NR3C2: variants seen among roughly 807,000 people sequenced by gnomAD.
NR3C2 encodes nuclear receptor subfamily 3 group C member 2, also known as mineralocorticoid receptor.
NR3C2 carries 15 observed loss-of-function variants against 86.4 expected under a neutral mutation model. The observed-to-expected ratio is 0.17, with a 90% CI of 0.12 to 0.27. The LOEUF (loss-of-function observed/expected upper bound fraction) is 0.27, where lower values mean the gene tolerates loss of function less well. Among genes scored for constraint, NR3C2 ranks in the 10% least tolerant of loss-of-function variants. The pLI is 1.00. For missense variants in NR3C2, 960 were observed against 1,195.6 expected (o/e 0.80, Z 2.91); for synonymous variants, 458 against 450.5 (o/e 1.02, Z -0.21).
At chr4:148,161,251 C>T (rs1734646561) in intron 4 of NR3C2, among the ~76,000 whole-genome samples, 1 of 152,156 alleles carries the variant, frequency 6.6e-6, no homozygotes, top group Admixed American at 6.5e-5. Context: ...AGTTAACACA[C>T]ATTATTGATT....
intron 2 of NR3C2, among the ~76,000 whole-genome samples, chr4:148,264,671 A>G (rs562775903): frequency 2.6e-4 from 40 of 152,304 alleles, no homozygotes; most frequent in African/African-American, 9.4e-4. Context: ...TCAACAGATG[A>G]TAGCTAAGAT....
intron 2 of NR3C2, among the ~76,000 whole-genome samples, chr4:148,344,004 A>G (rs1409968682): frequency 6.6e-6 from 1 of 152,170 alleles, no homozygotes; most frequent in Non-Finnish European, 1.5e-5. Context: ...ATAGCTTTAA[A>G]TTAATTGCTA....
At chr4:148,277,939 T>C (rs1741038215) in intron 2 of NR3C2, among the ~76,000 whole-genome samples, 1 of 152,176 alleles carries the variant, frequency 6.6e-6, no homozygotes, top group South Asian at 2.1e-4. Context: ...AGTCACGAAA[T>C]GAATTATCCT....
chr4:148,198,823 G>GT (rs1736570279), intron 3 of NR3C2, among the ~76,000 whole-genome samples: 1 of 151,906 alleles, frequency 6.6e-6, no homozygotes, highest in African/African-American at 2.4e-5. Context: ...GCTCACGCCT[G>GT]TAATCCCAGC....
At chr4:148,111,253 C>T (rs559595255) in intron 8 of NR3C2, among the ~76,000 whole-genome samples, 4 of 152,202 alleles carry the variant, frequency 2.6e-5, no homozygotes, top group Admixed American at 1.3e-4. Flanking sequence ...TCAATCTTTT[C>T]GTAAGTGAAA....
chr4:148,105,520 A>G (rs1000567927), intron 8 of NR3C2, among the ~76,000 whole-genome samples: 1 of 152,204 alleles, frequency 6.6e-6, no homozygotes, highest in Non-Finnish European at 1.5e-5. Context: ...TCTGTAACTC[A>G]TTTTTATGAG....
At chr4:148,336,775 T>A (rs1040462090) in intron 2 of NR3C2, among the ~76,000 whole-genome samples, 1 of 152,118 alleles carries the variant, frequency 6.6e-6, no homozygotes, top group Non-Finnish European at 1.5e-5. Context: ...AAAACATAAT[T>A]AGGCCAAGTT....
intron 2 of NR3C2, among the ~76,000 whole-genome samples, chr4:148,263,620 C>T (rs542218612): frequency 6.6e-6 from 1 of 152,356 alleles, no homozygotes; most frequent in East Asian, 1.9e-4. Flanking sequence ...CTTAGTAGGA[C>T]ACTTAAAGTC....
chr4:148,169,432 G>A (rs1182967188), intron 4 of NR3C2, among the ~76,000 whole-genome samples: 1 of 151,498 alleles, frequency 6.6e-6, no homozygotes, highest in South Asian at 2.1e-4. Flanking sequence ...TAGAAATTTG[G>A]GAAAGGAACC....
chr4:148,280,048 T>C (rs1279715562), intron 2 of NR3C2, among the ~76,000 whole-genome samples: 3 of 152,306 alleles, frequency 2.0e-5, no homozygotes, highest in Non-Finnish European at 4.4e-5. Flanking sequence ...TTCAGTTGGC[T>C]TAAAACTGAC....
chr4:148,438,097 G>A (rs1448599934), intron 1 of NR3C2, among the ~76,000 whole-genome samples: 1 of 152,214 alleles, frequency 6.6e-6, no homozygotes, highest in Non-Finnish European at 1.5e-5. Flanking sequence ...ACAACCAAGT[G>A]TTGGAGCTGC....
intron 8 of NR3C2, among the ~76,000 whole-genome samples, chr4:148,100,227 C>T (rs1731474884): frequency 6.6e-6 from 1 of 152,116 alleles, no homozygotes; most frequent in Non-Finnish European, 1.5e-5. Flanking sequence ...TTTCTGTTGT[C>T]ATTATAAATT....
Position 148,320,271 on chromosome 4 carries a change from G to A in NR3C2, c.1758-60154C>T, listed in dbSNP as rs1351563465. Reference sequence around the variant, plus strand: ...AAGTTTTTGATGTGCTGCTGGATTCGTTTTGCCAGTATTTTATTGAGTATT... The same window carrying A: ...AAGTTTTTGATGTGCTGCTGGATTCATTTTGCCAGTATTTTATTGAGTATT... On this transcript the variant is annotated intron_variant, in intron 2 of 8. Transcript: ENST00000358102. Among the ~76,000 whole-genome samples the A allele has an allele frequency of 2.9e-4, 21 of 72,016 alleles. 6 individuals are homozygous for A. Among genetic ancestry groups the A allele is most frequent in the African/African-American group, 4.3e-4 (6 of 13,928 alleles). The allele number at this position is 72,016 out of a possible 152,430, so 47.2% of individuals were successfully genotyped here.
intron 2 of NR3C2, among the ~76,000 whole-genome samples, chr4:148,271,579 T>C (rs1036178496): frequency 2.0e-5 from 3 of 152,168 alleles, no homozygotes; most frequent in African/African-American, 7.2e-5. Flanking sequence ...TCTAGATGTC[T>C]TGCACGCTAC....
chr4:148,316,833 G>A lies in NR3C2; in HGVS notation c.1758-56716C>T, dbSNP rs536891945. Among the ~76,000 whole-genome samples the A allele has an allele frequency of 2.6e-5, 4 of 152,036 alleles. No homozygotes were observed. In the East Asian group the frequency reaches 5.8e-4, roughly 22 times the overall value. ...TGTTTGTTTTCTGAGACAGGCTCTC[G>A]CTCTGTTGCCCAGGATGGGATGTAG... On this transcript the variant is annotated intron_variant, in intron 2 of 8. Transcript: ENST00000358102.
rs554070063 is a variant in NR3C2, at chr4:148,427,571, C to T, written c.1757+7533G>A. ...TGTGGTCTAGTGGAGGGTGTCCGAA[C>T]CCCAGCAGGGTGAGGACAGCCCAGC... is the stretch of plus-strand genomic sequence containing the variant. On this transcript the variant is annotated intron_variant, in intron 2 of 8. Coordinates refer to ENST00000358102, the MANE Select transcript of NR3C2 (RefSeq NM_000901.5). Among the ~76,000 whole-genome samples the T allele has an allele frequency of 2.5e-4, 38 of 151,672 alleles. No individual in the cohort carries two copies. In the East Asian group the frequency reaches 7.2e-3, roughly 29 times the overall value.
At chr4:148,316,527 G>T (rs1743184131) in intron 2 of NR3C2, among the ~76,000 whole-genome samples, 1 of 152,060 alleles carries the variant, frequency 6.6e-6, no homozygotes. Context: ...TGAGAAATAA[G>T]AATCAATAAG....
At chr4:148,159,178 C>T (rs1214468003) in intron 4 of NR3C2, among the ~76,000 whole-genome samples, 2 of 151,974 alleles carry the variant, frequency 1.3e-5, no homozygotes, top group South Asian at 4.2e-4. Flanking sequence ...ATATCACTTC[C>T]CATGATGCTT....
At chr4:148,130,008 G>A (rs540338614) in intron 6 of NR3C2, among the ~76,000 whole-genome samples, 40 of 152,286 alleles carry the variant, frequency 2.6e-4, no homozygotes, top group African/African-American at 8.4e-4. Context: ...CTGTCTTACT[G>A]TTTTAGCTAC....
Sources: gnomAD v4.1 joint callset for allele counts (sites outside exome capture counted in the v4.1 genomes callset) on GRCh38, gnomAD v4.1.1 for gene constraint, MANE v1.5 for transcripts, NCBI Gene and HGNC (gene_info 2026-07-23, HGNC 2026-07-21) for gene names.